BRI3: variants seen among roughly 807,000 people sequenced by gnomAD.
BRI3 encodes the protein membrane protein BRI3.
Under a neutral mutation model 12.8 loss-of-function variants are expected in BRI3, and 6 were observed. The ratio of observed to expected loss-of-function variants is 0.47; its 90% CI spans 0.26 to 0.93. The LOEUF (loss-of-function observed/expected upper bound fraction) is 0.93, where lower values mean the gene tolerates loss of function less well. Among genes scored for constraint, BRI3 ranks in the 40% least tolerant of loss-of-function variants. BRI3 has a pLI of 0.15. For synonymous variants in BRI3, 91 were observed against 76.1 expected, an observed-to-expected ratio of 1.20 and a Z score of -1.02; for missense variants, 134 against 171.1, an observed-to-expected ratio of 0.78 and a Z score of 1.21.
At chr7:98,305,056 T>TG (rs1352497128), upstream of BRI3, among the ~76,000 whole-genome samples, 3 of 141,620 alleles carry the variant, frequency 2.1e-5, no homozygotes, top group East Asian at 2.0e-4. Context: ...TGTTTTTTTT[T>TG]TTTTTTTTTT....
intron 2 of BRI3, among the ~76,000 whole-genome samples, chr7:98,284,376 A>G (rs548973371): frequency 2.0e-5 from 3 of 152,256 alleles, no homozygotes; most frequent in Admixed American, 1.3e-4. Flanking sequence ...TGCATTGGGC[A>G]TGGGATGGGC....
chr7:98,317,291 A>C, the BRI3 span: 1 of 1,614,154 alleles, frequency 6.2e-7, no homozygotes, highest in African/African-American at 1.3e-5. Flanking sequence ...TCTTCAACTC[A>C]GCTTGGGATT....
At chr7:98,307,598 G>A in exon 2 of BRI3, 1 of 1,553,736 alleles carries the variant, frequency 6.4e-7, no homozygotes, top group Non-Finnish European at 8.7e-7. Flanking sequence ...GCTAAAATGT[G>A]AGCATGTCCA....
downstream of BRI3, among the ~76,000 whole-genome samples, chr7:98,314,019 T>G (rs1800983626): frequency 2.1e-5 from 3 of 141,172 alleles, no homozygotes; most frequent in African/African-American, 7.8e-5. Context: ...AGAGTCTTGC[T>G]CTGTTGCCCA....
chr7:98,318,945 C>CAA, the BRI3 span, among the ~76,000 whole-genome samples: 2,083 of 114,442 alleles, frequency 0.018, 55 homozygotes, highest in African/African-American at 0.068. Context: ...GACTCCATCT[C>CAA]AAAAAAAAAA....
chr7:98,296,887 CCT>C (rs1236934033), downstream of BRI3, among the ~76,000 whole-genome samples: 1 of 152,200 alleles, frequency 6.6e-6, no homozygotes, highest in Non-Finnish European at 1.5e-5. Flanking sequence ...TCCCTGCGTC[CCT>C]GTCTCAACCG....
chr7:98,308,112 C>G (rs1482886704), exon 2 of BRI3: 2 of 676,354 alleles, frequency 3.0e-6, no homozygotes, highest in Non-Finnish European at 5.4e-6. Context: ...AAGGCATGCA[C>G]CGTGCAGAAG....
At chr7:98,315,625 A>AAAAAAAAT in the BRI3 span, 2 of 1,131,188 alleles carry the variant, frequency 1.8e-6, no homozygotes, top group African/African-American at 3.3e-5. Context: ...AAAAAAAAAA[A>AAAAAAAAT]AATAATAATA....
intron 1 of BRI3, among the ~76,000 whole-genome samples, chr7:98,299,259 T>TCCA (rs1800320504): frequency 6.6e-6 from 1 of 152,056 alleles, no homozygotes; most frequent in Non-Finnish European, 1.5e-5. Context: ...CATCAGGTGA[T>TCCA]CCACCTGCCT....
chr7:98,321,648 T>A, the BRI3 span, among the ~76,000 whole-genome samples: 1 of 152,194 alleles, frequency 6.6e-6, no homozygotes. Flanking sequence ...TGCCAACTTA[T>A]CTGCAGGAAC....
At chr7:98,301,049 C>T (rs1449425269) in intron 1 of BRI3, among the ~76,000 whole-genome samples, 1 of 152,162 alleles carries the variant, frequency 6.6e-6, no homozygotes, top group South Asian at 2.1e-4. Context: ...GAGGGCTTGG[C>T]TCTAGGCCGC....
At chr7:98,311,802 A>C (rs755302393), downstream of BRI3, among the ~76,000 whole-genome samples, 11 of 152,084 alleles carry the variant, frequency 7.2e-5, no homozygotes, top group Non-Finnish European at 1.6e-4. Context: ...GCTACTGAGG[A>C]GGCTGAGGCA....
exon 2 of BRI3, chr7:98,307,631 T>TG: frequency 6.3e-7 from 1 of 1,598,864 alleles, no homozygotes; most frequent in East Asian, 2.2e-5. Context: ...GCAGCTTGGC[T>TG]GCTCTGGAAG....
chr7:98,282,591 A>G, intron 2 of BRI3, 138 bp downstream of exon 2: 1 of 695,110 alleles, frequency 1.4e-6, no homozygotes, highest in East Asian at 2.7e-5. Context: ...TATGGGAGGG[A>G]CAGACAGGCT....
At position 98,289,183 on chromosome 7, in the gene BRI3, C is replaced by T. The variant is rs564146424; in HGVS notation, c.246-1928C>T. Reference sequence around the variant, plus strand: ...ATGTTGACCAGGCTGGTCTCGAACTCCTGACCTCAGGTCATCCACCCACCT... The same window carrying T: ...ATGTTGACCAGGCTGGTCTCGAACTTCTGACCTCAGGTCATCCACCCACCT... On this transcript the variant is annotated intron_variant, in intron 2 of 2. Coordinates refer to ENST00000297290, the MANE Select transcript of BRI3 (RefSeq NM_015379.5). 9.2e-5 allele frequency among the ~76,000 whole-genome samples: 14 copies of T among 152,310 alleles called. No individual in the cohort carries two copies. In the South Asian group the frequency reaches 2.9e-3, roughly 32 times the overall value.
chr7:98,290,331 G>A (rs1020073066), intron 2 of BRI3, among the ~76,000 whole-genome samples: 5 of 151,784 alleles, frequency 3.3e-5, no homozygotes, highest in African/African-American at 1.2e-4. Flanking sequence ...GAGTAGCTGG[G>A]ACTACAGGCG....
chr7:98,296,509 C>T (rs541631374), downstream of BRI3, among the ~76,000 whole-genome samples: 6 of 152,268 alleles, frequency 3.9e-5, no homozygotes, highest in Admixed American at 3.3e-4. Flanking sequence ...CCGGTAATCC[C>T]AGCTACTCAG....
At chr7:98,283,251 T>G (rs1054937194) in intron 2 of BRI3, among the ~76,000 whole-genome samples, 1 of 151,946 alleles carries the variant, frequency 6.6e-6, no homozygotes, top group Non-Finnish European at 1.5e-5. Flanking sequence ...TTGAAGCCAC[T>G]GAGATGGAAT....
the BRI3 span, chr7:98,315,646 T>TA: frequency 1.9e-6 from 2 of 1,070,970 alleles, no homozygotes; most frequent in Non-Finnish European, 2.4e-6. Flanking sequence ...ATAATAATTA[T>TA]ATAAGCATGA....
Sources: gnomAD v4.1 joint callset for allele counts (sites outside exome capture counted in the v4.1 genomes callset) on GRCh38, gnomAD v4.1.1 for gene constraint, MANE v1.5 for transcripts, NCBI Gene and HGNC (gene_info 2026-07-23, HGNC 2026-07-21) for gene names.